Variants in RAPGEF1 observed in about 807,000 individuals in gnomAD.
The protein encoded by RAPGEF1 is CRK SH3-binding GNRP.
A neutral mutation model predicts 143.3 loss-of-function variants in RAPGEF1; 33 were observed. The observed-to-expected ratio is 0.23, with a 90% CI of 0.17 to 0.31. The LOEUF (loss-of-function observed/expected upper bound fraction) is 0.31, where lower values mean the gene tolerates loss of function less well. Ranked by LOEUF, RAPGEF1 falls within the 10% of genes least tolerant of loss-of-function variation. The pLI, the probability that RAPGEF1 is intolerant of heterozygous loss-of-function variation, is 1.00. For missense variants in RAPGEF1, 1,199 were observed against 1,645.4 expected (o/e 0.73, Z 4.69); for synonymous variants, 629 against 676.5 (o/e 0.93, Z 1.09).
intron 22 of RAPGEF1, among the ~76,000 whole-genome samples, chr9:131,587,528 C>T (rs183615165): frequency 3.3e-5 from 5 of 152,326 alleles, no homozygotes; most frequent in Admixed American, 2.0e-4. Flanking sequence ...TGAGCCTCCT[C>T]GACCAGGTGG....
Position 131,621,573 on chromosome 9 carries a change from T to C in RAPGEF1, c.1905+223A>G, listed in dbSNP as rs1029981314. On this transcript the variant is annotated intron_variant, in intron 11 of 26. Coordinates refer to ENST00000683357, the MANE Select transcript of RAPGEF1 (RefSeq NM_001377935.1). This position sits in a 1 kb window ranked among gnomAD's most constrained non-coding sequence, Gnocchi z 4.5. ...GGCTGCTGTGGAAAAGAAAGGTCCCTGCACCCCAGGGTGGGGAGGTGGTGG... is the reference window on the plus strand; with the variant it reads ...GGCTGCTGTGGAAAAGAAAGGTCCCCGCACCCCAGGGTGGGGAGGTGGTGG... Among the ~76,000 whole-genome samples the C allele has an allele frequency of 2.0e-5, 3 of 152,140 alleles. No individual in the cohort carries two copies. The highest frequency in any genetic ancestry group is 7.2e-5 in the African/African-American group (3 of 41,440).
chr9:131,607,669 G>A (rs1384579188), intron 12 of RAPGEF1, among the ~76,000 whole-genome samples: 1 of 152,130 alleles, frequency 6.6e-6, no homozygotes, highest in Non-Finnish European at 1.5e-5. Context: ...TCTGCCAGAT[G>A]TTCATTCCCA....
chr9:131,601,544 G>A (rs189119021), intron 15 of RAPGEF1, among the ~76,000 whole-genome samples: 65 of 152,304 alleles, frequency 4.3e-4, no homozygotes, highest in African/African-American at 1.5e-3. Flanking sequence ...GATTTTTCTT[G>A]CTTTCTTGCA....
intron 1 of RAPGEF1, among the ~76,000 whole-genome samples, chr9:131,724,591 G>T (rs56332606): frequency 0.22 from 33,784 of 151,876 alleles, 4,300 homozygotes; most frequent in Non-Finnish European, 0.29. Flanking sequence ...CGAGATTCCG[G>T]CTCAGAAAAA....
intron 1 of RAPGEF1, among the ~76,000 whole-genome samples, chr9:131,718,600 G>A (rs1257610186): frequency 6.6e-6 from 1 of 152,124 alleles, no homozygotes; most frequent in African/African-American, 2.4e-5. Context: ...ATGTGCGCTG[G>A]GAGAGAGGAG....
chr9:131,642,298 G>A (rs1048353608), intron 4 of RAPGEF1, among the ~76,000 whole-genome samples: 18 of 152,224 alleles, frequency 1.2e-4, no homozygotes, highest in Non-Finnish European at 2.2e-4. Flanking sequence ...ATGTTGCCTC[G>A]GCATCTGTTT....
intron 1 of RAPGEF1, among the ~76,000 whole-genome samples, chr9:131,688,706 G>A (rs1027159964): frequency 2.6e-5 from 4 of 152,062 alleles, no homozygotes; most frequent in African/African-American, 7.2e-5. Context: ...CCAGGAGTTC[G>A]TGACCAGCCT....
At chr9:131,666,365 C>A (rs113045123) in intron 1 of RAPGEF1, among the ~76,000 whole-genome samples, 31 of 152,156 alleles carry the variant, frequency 2.0e-4, no homozygotes, top group African/African-American at 6.3e-4. Context: ...ATAGTGTGAA[C>A]CACATATGTA....
At chr9:131,704,989 G>A (rs73561764) in intron 1 of RAPGEF1, among the ~76,000 whole-genome samples, 2,698 of 152,288 alleles carry the variant, frequency 0.018, 76 homozygotes, top group African/African-American at 0.061. Context: ...CACATTTACT[G>A]TTTGTAAACT....
chr9:131,711,344 A>G (rs1021936358), intron 1 of RAPGEF1, among the ~76,000 whole-genome samples: 1 of 142,880 alleles, frequency 7.0e-6, no homozygotes, highest in Non-Finnish European at 1.5e-5. Context: ...GAGCCACTGC[A>G]CTGTGCCTAT....
At chr9:131,613,916 C>A (rs576234053) in intron 12 of RAPGEF1, among the ~76,000 whole-genome samples, 1 of 152,168 alleles carries the variant, frequency 6.6e-6, no homozygotes, top group Non-Finnish European at 1.5e-5. Context: ...TGCTGCTAAA[C>A]CCCCAAGAAT....
intron 1 of RAPGEF1, among the ~76,000 whole-genome samples, chr9:131,696,482 G>A (rs542731467): frequency 3.7e-4 from 56 of 152,308 alleles, no homozygotes; most frequent in African/African-American, 1.3e-3. Context: ...GATGACCTCC[G>A]ATGTACACTG....
chr9:131,628,917 C>A lies in RAPGEF1; in HGVS notation c.893+185G>T. Among the ~76,000 whole-genome samples the A allele has an allele frequency of 6.6e-6, 1 of 152,136 alleles. No individual in the cohort carries two copies. Among genetic ancestry groups the A allele is most frequent in the East Asian group, 1.9e-4 (1 of 5,186 alleles). On this transcript the variant is annotated intron_variant, in intron 7 of 26. Transcript: ENST00000683357. This position sits in a 1 kb window ranked among gnomAD's most constrained non-coding sequence, Gnocchi z 5.7. ...ACCATGTCTCCCTGGGCTGAGGGCA[C>A]AAGGAGGCCTTCAGGAGAGCTCAGG...
chr9:131,734,160 C>T (rs1222129027), intron 1 of RAPGEF1, among the ~76,000 whole-genome samples: 5 of 152,038 alleles, frequency 3.3e-5, no homozygotes, highest in Non-Finnish European at 7.4e-5. Context: ...AGATGGAAAG[C>T]TGTGTCCCCA....
intron 1 of RAPGEF1, among the ~76,000 whole-genome samples, chr9:131,731,757 G>A (rs556698560): frequency 6.6e-6 from 1 of 152,328 alleles, no homozygotes; most frequent in South Asian, 2.1e-4. Flanking sequence ...AAGCACTGCA[G>A]AATCGCCTGA....
At chr9:131,737,882 G>A (rs567036860) in intron 1 of RAPGEF1, among the ~76,000 whole-genome samples, 2 of 32,974 alleles carry the variant, frequency 6.1e-5, no homozygotes, top group Admixed American at 2.4e-4. Context: ...GGAGAATGGC[G>A]TGAACCCAGG....
intron 1 of RAPGEF1, among the ~76,000 whole-genome samples, chr9:131,668,616 A>AC (rs1188778779): frequency 6.6e-6 from 1 of 152,120 alleles, no homozygotes; most frequent in Admixed American, 6.5e-5. Context: ...GGTGTCCTGA[A>AC]CCACTCAAGG....
chr9:131,739,427 C>A lies in RAPGEF1; in HGVS notation c.61+343G>T, dbSNP rs1413004484. On this transcript the variant is annotated intron_variant, in intron 1 of 26. Coordinates refer to ENST00000683357, the MANE Select transcript of RAPGEF1 (RefSeq NM_001377935.1). ...CAGGCCGGGCACCGATCGCTGCAGC[C>A]GCAGCAGCACGCGGCCCGGGCTGTT... 5.3e-5 allele frequency among the ~76,000 whole-genome samples: 8 copies of A among 152,158 alleles called. No homozygotes were observed. In the East Asian group the frequency reaches 1.4e-3, roughly 26 times the overall value.
intron 4 of RAPGEF1, among the ~76,000 whole-genome samples, chr9:131,642,619 A>G (rs1158478759): frequency 6.6e-6 from 1 of 152,218 alleles, no homozygotes; most frequent in African/African-American, 2.4e-5. Context: ...CCTGGACCCA[A>G]TAACCCCAAA....
Sources: gnomAD v4.1 joint callset for allele counts (sites outside exome capture counted in the v4.1 genomes callset) on GRCh38, gnomAD v4.1.1 for gene constraint, Gnocchi (gnomAD v3.1) non-coding constraint, MANE v1.5 for transcripts, NCBI Gene and HGNC (gene_info 2026-07-23, HGNC 2026-07-21) for gene names.